Variants in ARHGAP26 observed in about 807,000 individuals in gnomAD.
ARHGAP26 encodes rho GTPase-activating protein 26.
A neutral mutation model predicts 104.8 loss-of-function variants in ARHGAP26; 38 were observed. The observed-to-expected ratio is 0.36, with a 90% CI of 0.28 to 0.48. The LOEUF is 0.48. ARHGAP26 is among the 20% of genes least tolerant of loss of function. The pLI, the probability that ARHGAP26 is intolerant of heterozygous loss-of-function variation, is 0.99. For missense variants in ARHGAP26, 704 were observed against 947.9 expected (o/e 0.74, Z 3.38); for synonymous variants, 341 against 340.0 (o/e 1.00, Z -0.03).
At chr5:143,052,243 G>A (rs563245533) in intron 14 of ARHGAP26, among the ~76,000 whole-genome samples, 9 of 152,168 alleles carry the variant, frequency 5.9e-5, no homozygotes, top group South Asian at 2.1e-4. Flanking sequence ...AGGCCGAGGC[G>A]GGCGGATCTC....
At chr5:142,953,033 A>G (rs1562144542) in intron 11 of ARHGAP26, among the ~76,000 whole-genome samples, 1 of 152,090 alleles carries the variant, frequency 6.6e-6, no homozygotes, top group South Asian at 2.1e-4. Flanking sequence ...TTGTGTTAAG[A>G]TGATTGTAGC....
At chr5:142,847,809 A>G (rs778647314) in intron 1 of ARHGAP26, among the ~76,000 whole-genome samples, 1 of 152,210 alleles carries the variant, frequency 6.6e-6, no homozygotes, top group Non-Finnish European at 1.5e-5. Flanking sequence ...ATGAGATGGC[A>G]TTTGGAGGTT....
At chr5:142,840,548 A>C (rs1201416229) in intron 1 of ARHGAP26, among the ~76,000 whole-genome samples, 2 of 152,194 alleles carry the variant, frequency 1.3e-5, no homozygotes, top group African/African-American at 2.4e-5. Context: ...GAAAAGACAG[A>C]CAGTAAACAA....
intron 11 of ARHGAP26, among the ~76,000 whole-genome samples, chr5:142,992,638 A>G (rs750540110): frequency 1.3e-5 from 2 of 152,004 alleles, no homozygotes; most frequent in African/African-American, 2.4e-5. Context: ...CATGTTAGCC[A>G]GGATGGTCTC....
At chr5:143,005,984 A>G (rs1777898261) in intron 11 of ARHGAP26, among the ~76,000 whole-genome samples, 1 of 152,182 alleles carries the variant, frequency 6.6e-6, no homozygotes, top group South Asian at 2.1e-4. Flanking sequence ...AGAACTCCCC[A>G]GTGGTACCAT....
At chr5:143,182,556 T>G (rs1804535566) in intron 20 of ARHGAP26, among the ~76,000 whole-genome samples, 1 of 152,220 alleles carries the variant, frequency 6.6e-6, no homozygotes, top group Non-Finnish European at 1.5e-5. Context: ...CAATAAAACT[T>G]GGTTTGTTGA....
At chr5:143,066,506 A>G (rs981861293) in intron 17 of ARHGAP26, among the ~76,000 whole-genome samples, 7 of 152,234 alleles carry the variant, frequency 4.6e-5, no homozygotes, top group African/African-American at 9.6e-5. Flanking sequence ...TACACCTTCC[A>G]TAAATGTTAA....
intron 20 of ARHGAP26, chr5:143,202,553 C>T (rs1027534072): frequency 2.6e-5 from 4 of 152,266 alleles, no homozygotes; most frequent in African/African-American, 7.2e-5. Context: ...CACTGACTTC[C>T]TTCACAGAAT....
At chr5:142,838,747 G>T (rs1401646315) in intron 1 of ARHGAP26, among the ~76,000 whole-genome samples, 1 of 152,190 alleles carries the variant, frequency 6.6e-6, no homozygotes, top group African/African-American at 2.4e-5. Context: ...TAGTAGTCAT[G>T]TTGTGGGATC....
At chr5:143,159,331 C>T (rs1045336087) in intron 20 of ARHGAP26, among the ~76,000 whole-genome samples, 1 of 152,182 alleles carries the variant, frequency 6.6e-6, no homozygotes, top group South Asian at 2.1e-4. Flanking sequence ...AAGATTGTGT[C>T]TGGAGAGGCA....
At chr5:142,995,691 T>C (rs543784618) in intron 11 of ARHGAP26, among the ~76,000 whole-genome samples, 172 of 152,338 alleles carry the variant, frequency 1.1e-3, no homozygotes, top group African/African-American at 4.0e-3. Context: ...CAAATCATTC[T>C]ACTATAAAGA....
At position 142,873,442 on chromosome 5, in the gene ARHGAP26, A is replaced by T; in HGVS notation, c.197A>T (p.Glu66Val). 6.2e-7 allele frequency: 1 copy of T among 1,602,340 alleles called. No homozygotes were observed. Among genetic ancestry groups the T allele is most frequent in the Non-Finnish European group, 8.5e-7 (1 of 1,176,972 alleles). Residue 66 changes from glutamate (E) to valine (V), a missense_variant, in exon 2 of 23, where the codon GAA becomes GTA. Transcript: ENST00000645722. Reference sequence around the variant, plus strand: ...CGGAAGTTTGCAGATTCCTTAAATGAATTTAAATTTCAGTGCATAGGAGAT... The same window carrying T: ...CGGAAGTTTGCAGATTCCTTAAATGTATTTAAATTTCAGTGCATAGGAGAT... ...AKRKFADSLN[E>V]FKFQCIGDAE...
chr5:143,000,687 C>T (rs181097871), intron 11 of ARHGAP26, among the ~76,000 whole-genome samples: 72 of 152,276 alleles, frequency 4.7e-4, no homozygotes, highest in African/African-American at 1.6e-3. Flanking sequence ...CCATGGAATA[C>T]TATGCAGCCA....
intron 11 of ARHGAP26, among the ~76,000 whole-genome samples, chr5:142,953,334 T>C (rs1282507222): frequency 1.3e-5 from 2 of 152,252 alleles, no homozygotes; most frequent in Admixed American, 6.5e-5. Context: ...CCTGCACTTA[T>C]GCCGTAAATA....
chr5:143,014,157 G>A lies in ARHGAP26; in HGVS notation c.1144+41G>A. 3 of 1,611,782 alleles carry A rather than the reference G, an allele frequency of 1.9e-6. No individual in the cohort carries two copies. In the East Asian group the frequency reaches 6.7e-5, roughly 36 times the overall value. On this transcript the variant is annotated intron_variant, in intron 12 of 22. Coordinates refer to ENST00000645722, the MANE Select transcript of ARHGAP26 (RefSeq NM_001135608.3). Reference sequence around the variant, plus strand: ...GGGTAACCTTCTACAGCCAGGGTTGGGAGTAGGCTTTGAGAAGTTGCTACT... The same window carrying A: ...GGGTAACCTTCTACAGCCAGGGTTGAGAGTAGGCTTTGAGAAGTTGCTACT...
intron 4 of ARHGAP26, among the ~76,000 whole-genome samples, chr5:142,880,997 A>G (rs1266586714): frequency 1.3e-5 from 2 of 152,230 alleles, no homozygotes; most frequent in Non-Finnish European, 2.9e-5. Context: ...GAGATTAAGG[A>G]ATGTATAATT....
At chr5:143,202,701 C>T (rs1400074064) in intron 20 of ARHGAP26, 1 of 152,182 alleles carries the variant, frequency 6.6e-6, no homozygotes, top group Non-Finnish European at 1.5e-5. Context: ...GAAACCAAAA[C>T]AGCATGGTAC....
In ARHGAP26 at chr5:143,223,399, C is replaced by A. The variant is rs1466318652; in HGVS notation, c.*953C>A. On this transcript the variant is annotated 3_prime_UTR_variant, in exon 23 of 23. Coordinates refer to ENST00000645722, the MANE Select transcript of ARHGAP26 (RefSeq NM_001135608.3). ...ATATATTTGGAGCACACCCTAGTAA[C>A]CTCTTGAGATTAAATTACATAGTCT... The A allele has an allele frequency of 4.3e-6, 1 of 232,300 alleles. No individual in the cohort carries two copies. The highest frequency in any genetic ancestry group is 6.1e-5 in the East Asian group (1 of 16,436). 14.4% of individuals were successfully genotyped at this position (232,300 alleles called of 1,614,324 possible). A position where few individuals can be genotyped will look rare whatever the true frequency, so the allele number is the denominator to read the frequency against.
intron 1 of ARHGAP26, among the ~76,000 whole-genome samples, chr5:142,776,179 C>T (rs1182485213): frequency 6.6e-6 from 1 of 151,948 alleles, no homozygotes; most frequent in Non-Finnish European, 1.5e-5. Flanking sequence ...TTTGTTGTTG[C>T]CCAGGCTGGT....
Sources: allele counts gnomAD v4.1 joint callset (sites outside exome capture counted in the v4.1 genomes callset), GRCh38; gene constraint gnomAD v4.1.1; transcripts MANE v1.5; gene names NCBI Gene and HGNC (gene_info 2026-07-23, HGNC 2026-07-21).